COL8A1: variants seen among roughly 807,000 people sequenced by gnomAD.
COL8A1 encodes the protein collagen alpha-1(VIII) chain.
Under a neutral mutation model 42.7 loss-of-function variants are expected in COL8A1, and 21 were observed. The observed-to-expected ratio is 0.49, with a 90% CI of 0.35 to 0.71. COL8A1 has a LOEUF of 0.71. COL8A1 is among the 30% of genes least tolerant of loss of function. COL8A1 has a pLI of 0.01. For missense variants in COL8A1, 788 were observed against 962.4 expected (o/e 0.82, Z 2.40); for synonymous variants, 367 against 369.1 (o/e 0.99, Z 0.06).
chr3:99,711,063 G>GA (rs1250755108), intron 1 of COL8A1, among the ~76,000 whole-genome samples: 2 of 152,080 alleles, frequency 1.3e-5, no homozygotes, highest in Non-Finnish European at 2.9e-5. Context: ...AGAGGGTCTT[G>GA]AAAAAACTAT....
At chr3:99,760,477 AAT>A (rs1941346662) in intron 2 of COL8A1, among the ~76,000 whole-genome samples, 1 of 152,212 alleles carries the variant, frequency 6.6e-6, no homozygotes, top group African/African-American at 2.4e-5. Flanking sequence ...CCCATAGAGA[AAT>A]ATTAAATATT....
At chr3:99,665,119 T>C (rs1438108732) in intron 1 of COL8A1, among the ~76,000 whole-genome samples, 1 of 152,228 alleles carries the variant, frequency 6.6e-6, no homozygotes, top group Non-Finnish European at 1.5e-5. Flanking sequence ...CATGTTGCCA[T>C]TTCTCAGACT....
chr3:99,703,105 C>G (rs887853530), intron 1 of COL8A1, among the ~76,000 whole-genome samples: 1 of 152,154 alleles, frequency 6.6e-6, no homozygotes, highest in African/African-American at 2.4e-5. Flanking sequence ...AATGCATCAG[C>G]AAGACCTTGG....
intron 3 of COL8A1, among the ~76,000 whole-genome samples, chr3:99,793,198 T>C (rs1361812328): frequency 6.6e-6 from 1 of 152,172 alleles, no homozygotes; most frequent in African/African-American, 2.4e-5. Context: ...AAGTTGTTTT[T>C]TGGATATCTA....
chr3:99,678,000 A>T (rs1938752951), intron 1 of COL8A1: 1 of 152,166 alleles, frequency 6.6e-6, no homozygotes, highest in African/African-American at 2.4e-5. Context: ...CAACATGAGC[A>T]CATTCCAGTC....
At chr3:99,667,018 G>A (rs555673875) in intron 1 of COL8A1, among the ~76,000 whole-genome samples, 7 of 152,232 alleles carry the variant, frequency 4.6e-5, no homozygotes, top group African/African-American at 1.7e-4. Context: ...TTCATTATAT[G>A]TATATGAAAA....
In COL8A1 at chr3:99,796,401, C is replaced by A. The variant is rs754189148; in HGVS notation, c.*265C>A. Reference sequence around the variant, plus strand: ...GTTGTACCCACTGGAATCATATTAGCTGTTTTATGTTATATGCTTCCACAG... The same window carrying A: ...GTTGTACCCACTGGAATCATATTAGATGTTTTATGTTATATGCTTCCACAG... On this transcript the variant is annotated 3_prime_UTR_variant, in exon 4 of 4. Transcript: ENST00000652472. 3.2e-6 allele frequency: 1 copy of A among 311,054 alleles called. No individual in the cohort carries two copies. The highest frequency in any genetic ancestry group is 5.9e-6 in the Non-Finnish European group (1 of 168,274). The allele number at this position is 311,054 out of a possible 1,614,324, so 19.3% of individuals were successfully genotyped here. A position where few individuals can be genotyped will look rare whatever the true frequency, so the allele number is the denominator to read the frequency against.
intron 1 of COL8A1, among the ~76,000 whole-genome samples, chr3:99,645,696 TA>T (rs58309537): frequency 0.018 from 2,538 of 141,666 alleles, 15 homozygotes; most frequent in Middle Eastern, 0.028. Context: ...GTTTTCTTTT[TA>T]AAAAAAAAAA....
intron 2 of COL8A1, among the ~76,000 whole-genome samples, chr3:99,765,790 A>G (rs955409680): frequency 6.6e-6 from 1 of 152,204 alleles, no homozygotes; most frequent in African/African-American, 2.4e-5. Flanking sequence ...TGGTTACTAG[A>G]TGTTTTTAAT....
At chr3:99,696,480 G>A (rs1416100443) in intron 1 of COL8A1, among the ~76,000 whole-genome samples, 1 of 152,196 alleles carries the variant, frequency 6.6e-6, no homozygotes, top group Non-Finnish European at 1.5e-5. Flanking sequence ...GCAACCAACA[G>A]CGGCTAAGGC....
intron 2 of COL8A1, among the ~76,000 whole-genome samples, chr3:99,759,636 TG>T (rs1680271634): frequency 6.6e-6 from 1 of 152,228 alleles, no homozygotes; most frequent in Non-Finnish European, 1.5e-5. Context: ...GATTAACCAA[TG>T]TTTTTTTAGA....
At chr3:99,735,647 A>G (rs1463334663) in intron 1 of COL8A1, among the ~76,000 whole-genome samples, 19 of 150,016 alleles carry the variant, frequency 1.3e-4, no homozygotes, top group Non-Finnish European at 2.4e-4. Context: ...CTTTGGTATC[A>G]GAATGATGCT....
intron 1 of COL8A1, among the ~76,000 whole-genome samples, chr3:99,734,667 T>A (rs573371169): frequency 6.6e-6 from 1 of 152,126 alleles, no homozygotes; most frequent in African/African-American, 2.4e-5. Flanking sequence ...TTTAAAGTAG[T>A]TTTTTCCAAT....
chr3:99,749,219 G>T (rs1941091749), intron 2 of COL8A1, among the ~76,000 whole-genome samples: 1 of 152,048 alleles, frequency 6.6e-6, no homozygotes, highest in African/African-American at 2.4e-5. Flanking sequence ...CATCTATTTG[G>T]CAGTTATTAT....
chr3:99,772,501 C>A (rs1345598188), intron 2 of COL8A1, among the ~76,000 whole-genome samples: 1 of 152,064 alleles, frequency 6.6e-6, no homozygotes, highest in Non-Finnish European at 1.5e-5. Flanking sequence ...GCAATAAATG[C>A]AACATTGCGG....
chr3:99,664,484 A>T (rs936207098), intron 1 of COL8A1, among the ~76,000 whole-genome samples: 1 of 70,964 alleles, frequency 1.4e-5, no homozygotes, highest in Non-Finnish European at 3.7e-5. Context: ...AAGTATAATA[A>T]AAAAAAAATA....
chr3:99,767,870 T>C (rs1183201528), intron 2 of COL8A1, among the ~76,000 whole-genome samples: 1 of 152,192 alleles, frequency 6.6e-6, no homozygotes, highest in African/African-American at 2.4e-5. Flanking sequence ...CAGAATGAGT[T>C]AGCATGAGAA....
In COL8A1 at chr3:99,794,301, C is replaced by A. The variant is rs186583837; in HGVS notation, c.400C>A (p.Pro134Thr). The A allele has an allele frequency of 6.2e-7, 1 of 1,613,270 alleles. No individual in the cohort carries two copies. The highest frequency in any genetic ancestry group is 1.7e-5 in the Admixed American group (1 of 59,940). Residue 134 changes from proline (P) to threonine (T), a missense_variant, in exon 4 of 4, where the codon CCC becomes ACC. Pro to Thr is a conservative substitution (Grantham distance 38). Coordinates refer to ENST00000652472, the MANE Select transcript of COL8A1 (RefSeq NM_020351.4). The surrounding 1 kb of genome is among the most constrained non-coding windows in gnomAD (Gnocchi z 4.3). ...GCCTGGCCCAAGAGGACCACCTGGG[C>A]CCCCTGGTTTGCCAGGTCATGGGAT... ...GEPGPRGPPG[P>T]PGLPGHGIPG...
chr3:99,796,179 G>A lies in COL8A1; in HGVS notation c.*43G>A. ...ACAAAGAAAAGAAAGAGATTTTATA[G>A]AAGAAAATGACACACCAAAAAATCC... On this transcript the variant is annotated 3_prime_UTR_variant, in exon 4 of 4. Coordinates refer to ENST00000652472, the MANE Select transcript of COL8A1 (RefSeq NM_020351.4). The A allele has an allele frequency of 7.2e-7, 1 of 1,396,426 alleles. No homozygotes were observed. The highest frequency in any genetic ancestry group is 9.4e-7 in the Non-Finnish European group (1 of 1,060,954). The allele number at this position is 1,396,426 out of a possible 1,614,324, so 86.5% of individuals were successfully genotyped here.
Sources: gnomAD v4.1 joint callset for allele counts (sites outside exome capture counted in the v4.1 genomes callset) on GRCh38, gnomAD v4.1.1 for gene constraint, Gnocchi (gnomAD v3.1) non-coding constraint, MANE v1.5 for transcripts, NCBI Gene and HGNC (gene_info 2026-07-23, HGNC 2026-07-21) for gene names.